BANP: variants seen among roughly 807,000 people sequenced by gnomAD.
The protein encoded by BANP is protein BANP.
BANP carries 11 observed loss-of-function variants against 68.1 expected under a neutral mutation model. That is an observed-to-expected ratio of 0.16 (90% CI 0.10 to 0.27). BANP has a LOEUF of 0.27. Among genes scored for constraint, BANP ranks in the 10% least tolerant of loss-of-function variants. The probability of loss-of-function intolerance (pLI) is 1.00; values close to 1 mark genes in which losing one functional copy is unlikely to be tolerated. For synonymous variants in BANP, 329 were observed against 303.2 expected (o/e 1.09, Z -0.88); for missense variants, 504 against 722.7 (o/e 0.70, Z 3.47).
intron 11 of BANP, among the ~76,000 whole-genome samples, chr16:88,044,001 C>G (rs990795834): frequency 6.6e-6 from 1 of 152,174 alleles, no homozygotes; most frequent in East Asian, 1.9e-4. Flanking sequence ...GTCATGGGAA[C>G]TTTTGCATAA....
intron 7 of BANP, among the ~76,000 whole-genome samples, chr16:88,019,222 C>T (rs1480327387): frequency 1.1e-4 from 16 of 152,178 alleles, no homozygotes; most frequent in Non-Finnish European, 5.9e-5. Flanking sequence ...GGGATTTGCT[C>T]CAGGTGGCGA....
intron 1 of BANP, among the ~76,000 whole-genome samples, chr16:87,966,163 G>A (rs1038329773): frequency 1.4e-4 from 21 of 152,202 alleles, no homozygotes; most frequent in Non-Finnish European, 2.8e-4. Context: ...TCTCATCCAT[G>A]TGAATGACTT....
chr16:88,067,930 A>G (rs1192011772), intron 12 of BANP, among the ~76,000 whole-genome samples: 1 of 152,220 alleles, frequency 6.6e-6, no homozygotes, highest in Non-Finnish European at 1.5e-5. Flanking sequence ...TCCCCGTAGC[A>G]TCCACTGTGT....
At chr16:88,074,435 G>C (rs1475457243) in intron 13 of BANP, among the ~76,000 whole-genome samples, 5 of 152,068 alleles carry the variant, frequency 3.3e-5, no homozygotes, top group Non-Finnish European at 7.4e-5. Context: ...TGGGAGGGTA[G>C]GGGGGTGCCA....
At chr16:87,954,032 G>C (rs956737918) in intron 1 of BANP, among the ~76,000 whole-genome samples, 2 of 152,100 alleles carry the variant, frequency 1.3e-5, no homozygotes, top group Non-Finnish European at 2.9e-5. Flanking sequence ...CGGGGACTCT[G>C]ACTCTGGTGC....
intron 4 of BANP, among the ~76,000 whole-genome samples, chr16:88,001,841 A>C (rs7404220): frequency 0.99 from 149,912 of 151,892 alleles, 74,000 homozygotes; most frequent in East Asian, 1. Context: ...TGTCGTATGC[A>C]TTTGCAACAG....
chr16:88,042,665 C>T (rs2081112284), intron 11 of BANP, among the ~76,000 whole-genome samples: 2 of 147,972 alleles, frequency 1.4e-5, no homozygotes, highest in African/African-American at 5.4e-5. Context: ...ACCTGTAATC[C>T]CAGTACTTTG....
At chr16:88,065,955 C>A (rs2088450428) in intron 12 of BANP, among the ~76,000 whole-genome samples, 1 of 152,142 alleles carries the variant, frequency 6.6e-6, no homozygotes, top group African/African-American at 2.4e-5. Context: ...GGCCCACTGC[C>A]CAGCTTAGGA....
Position 88,077,011 on chromosome 16 carries a change from G to GAA in BANP, c.*359_*360dup, listed in dbSNP as rs199514280. ...GTGTTTATAACAAAAAAGAAAATTT[G>GAA]AAAAAAAAAATCCCAGGGGAGTAGC... is the stretch of plus-strand genomic sequence containing the variant. On this transcript the variant is annotated 3_prime_UTR_variant, in exon 14 of 14. Coordinates refer to ENST00000682872, the MANE Select transcript of BANP (RefSeq NM_001386991.1). The GAA allele has an allele frequency of 4.3e-6, 1 of 231,682 alleles. No homozygotes were observed. The highest frequency in any genetic ancestry group is 2.3e-5 in the African/African-American group (1 of 42,640). 14.4% of individuals were successfully genotyped at this position (231,682 alleles called of 1,614,324 possible).
At chr16:87,956,844 C>G (rs997919421) in intron 1 of BANP, 1 of 152,294 alleles carries the variant, frequency 6.6e-6, no homozygotes, top group Middle Eastern at 3.4e-3. Flanking sequence ...AAACACTCTC[C>G]GCCACCCTCC....
chr16:87,951,744 G>C (rs1311193569), intron 1 of BANP, among the ~76,000 whole-genome samples: 3 of 151,254 alleles, frequency 2.0e-5, no homozygotes, highest in Admixed American at 6.6e-5. Flanking sequence ...CGCACCCCCG[G>C]CCCCACCGCG....
intron 3 of BANP, among the ~76,000 whole-genome samples, chr16:87,983,054 C>T (rs935916392): frequency 1.9e-4 from 29 of 152,172 alleles, no homozygotes; most frequent in African/African-American, 6.7e-4. Flanking sequence ...CAGTGCCACC[C>T]CTGCTGTCTC....
At chr16:88,035,825 C>T (rs554448429) in intron 10 of BANP, among the ~76,000 whole-genome samples, 3 of 152,342 alleles carry the variant, frequency 2.0e-5, no homozygotes, top group Admixed American at 6.5e-5. Flanking sequence ...GGGATTAGTG[C>T]CGATTTCATG....
chr16:88,011,703 C>T (rs573590051), intron 6 of BANP, among the ~76,000 whole-genome samples: 1 of 152,306 alleles, frequency 6.6e-6, no homozygotes, highest in Non-Finnish European at 1.5e-5. Flanking sequence ...GTCACATAAT[C>T]ATAAAGTCCC....
At chr16:87,955,615 C>T (rs1293057255) in intron 1 of BANP, among the ~76,000 whole-genome samples, 1 of 152,156 alleles carries the variant, frequency 6.6e-6, no homozygotes, top group Non-Finnish European at 1.5e-5. Context: ...TGTGGCCGCC[C>T]TGTCTCCTTA....
chr16:88,018,340 C>T lies in BANP; in HGVS notation c.656-88C>T, dbSNP rs1434064719. The T allele has an allele frequency of 1.3e-5, 19 of 1,496,606 alleles. No homozygotes were observed. Among genetic ancestry groups the T allele is most frequent in the Non-Finnish European group, 1.4e-5 (16 of 1,108,352 alleles). The allele number at this position is 1,496,606 out of a possible 1,614,324, so 92.7% of individuals were successfully genotyped here. ...CCAGCCCTGCGTGGAGCATCTTTCC[C>T]GACTGTGCCTGAGCAGAGCGCTCTG... is the stretch of plus-strand genomic sequence containing the variant. On this transcript the variant is annotated intron_variant, in intron 6 of 13. Coordinates refer to ENST00000682872, the MANE Select transcript of BANP (RefSeq NM_001386991.1). The surrounding 1 kb of genome is among the most constrained non-coding windows in gnomAD (Gnocchi z 7.7).
chr16:87,982,220 T>C (rs1385254256), intron 3 of BANP, among the ~76,000 whole-genome samples: 3 of 152,198 alleles, frequency 2.0e-5, no homozygotes, highest in African/African-American at 4.8e-5. Context: ...ATGTATAAAG[T>C]GGGCACGGGA....
intron 1 of BANP, among the ~76,000 whole-genome samples, chr16:87,959,682 G>A (rs766520435): frequency 5.9e-5 from 9 of 152,202 alleles, no homozygotes; most frequent in Non-Finnish European, 1.0e-4. Context: ...CGGCCAGATC[G>A]GAGTGTGTGT....
chr16:88,077,087 T>C lies in BANP; in HGVS notation c.*426T>C, dbSNP rs1250581414. The C allele has an allele frequency of 1.0e-5, 2 of 200,434 alleles. No individual in the cohort carries two copies. The highest frequency in any genetic ancestry group is 2.4e-5 in the African/African-American group (1 of 42,092). 12.4% of individuals were successfully genotyped at this position (200,434 alleles called of 1,614,324 possible). ...CCAGTGTCATGAGACGGGAGCCCTT[T>C]GCTGTGTGCTCTGTCCAGTGTCATG... On this transcript the variant is annotated 3_prime_UTR_variant, in exon 14 of 14. Coordinates refer to ENST00000682872, the MANE Select transcript of BANP (RefSeq NM_001386991.1).
Sources: allele counts gnomAD v4.1 joint callset (sites outside exome capture counted in the v4.1 genomes callset), GRCh38; gene constraint gnomAD v4.1.1; non-coding constraint Gnocchi (gnomAD v3.1); transcripts MANE v1.5; gene names NCBI Gene and HGNC (gene_info 2026-07-23, HGNC 2026-07-21).